PDE1C: variants seen among roughly 807,000 people sequenced by gnomAD.
The protein encoded by PDE1C is phosphodiesterase 1C.
PDE1C carries 62 observed loss-of-function variants against 93.1 expected under a neutral mutation model. That is an observed-to-expected ratio of 0.67 (90% CI 0.54 to 0.82). PDE1C has a LOEUF of 0.82. Ranked by LOEUF, PDE1C falls within the 40% of genes least tolerant of loss-of-function variation. The pLI, the probability that PDE1C is intolerant of heterozygous loss-of-function variation, is 0.00. For missense variants in PDE1C, 742 were observed against 884.6 expected, an observed-to-expected ratio of 0.84 and a Z score of 2.04; for synonymous variants, 325 against 310.1, an observed-to-expected ratio of 1.05 and a Z score of -0.50.
At chr7:31,948,182 A>T (rs562330758) in intron 2 of PDE1C, among the ~76,000 whole-genome samples, 77 of 152,316 alleles carry the variant, frequency 5.1e-4, no homozygotes, top group African/African-American at 1.8e-3. Context: ...AAACACTCAC[A>T]TTATAAAAAT....
intron 2 of PDE1C, among the ~76,000 whole-genome samples, chr7:31,938,160 G>A (rs1805344021): frequency 6.6e-6 from 1 of 151,400 alleles, no homozygotes; most frequent in African/African-American, 2.4e-5. Context: ...AGGGCCTACT[G>A]TAGGAATTGC....
At chr7:31,894,521 G>C (rs1402367431) in intron 2 of PDE1C, among the ~76,000 whole-genome samples, 1 of 152,230 alleles carries the variant, frequency 6.6e-6, no homozygotes, top group African/African-American at 2.4e-5. Context: ...ACCAAGCCAT[G>C]TCTGTGTGTG....
intron 3 of PDE1C, among the ~76,000 whole-genome samples, chr7:32,081,154 A>G (rs946369316): frequency 2.0e-5 from 3 of 152,234 alleles, no homozygotes; most frequent in African/African-American, 7.2e-5. Context: ...TGCCTTAGCT[A>G]AATGTAAATG....
intron 1 of PDE1C, among the ~76,000 whole-genome samples, chr7:32,264,177 G>A (rs749308325): frequency 3.3e-4 from 50 of 152,106 alleles, no homozygotes; most frequent in Non-Finnish European, 6.5e-4. Flanking sequence ...AAACAATTGA[G>A]AATCACTAGA....
At chr7:32,070,933 C>G (rs1795995662), upstream of PDE1C, 3 of 985,470 alleles carry the variant, frequency 3.0e-6, no homozygotes, top group African/African-American at 5.2e-5. Context: ...CCCGCTCACT[C>G]CCTGGCCGCG....
intron 2 of PDE1C, among the ~76,000 whole-genome samples, chr7:32,187,305 T>G (rs1803947478): frequency 6.6e-6 from 1 of 152,082 alleles, no homozygotes. Context: ...ATAGTTATCT[T>G]TAAACTTAAA....
chr7:32,171,348 G>A (rs949358988), intron 2 of PDE1C, among the ~76,000 whole-genome samples: 2 of 151,774 alleles, frequency 1.3e-5, no homozygotes, highest in Admixed American at 6.6e-5. Context: ...AAATACTGCT[G>A]AGCCTCCATA....
intron 2 of PDE1C, among the ~76,000 whole-genome samples, chr7:32,013,921 G>A (rs1347442364): frequency 6.6e-6 from 1 of 152,156 alleles, no homozygotes; most frequent in Non-Finnish European, 1.5e-5. Context: ...TGGTAAAACT[G>A]CATTTCCAGT....
chr7:31,836,803 T>C (rs1791172964), intron 11 of PDE1C, among the ~76,000 whole-genome samples: 1 of 152,074 alleles, frequency 6.6e-6, no homozygotes, highest in Non-Finnish European at 1.5e-5. Flanking sequence ...CAACCAATTA[T>C]AATAGAGACA....
At chr7:32,222,786 A>G (rs535998088) in intron 1 of PDE1C, among the ~76,000 whole-genome samples, 2 of 152,268 alleles carry the variant, frequency 1.3e-5, no homozygotes, top group South Asian at 4.2e-4. Context: ...AACATCAAAC[A>G]TATCAAAGCA....
At chr7:32,328,908 A>G (rs1244711467) in intron 1 of PDE1C, among the ~76,000 whole-genome samples, 1 of 152,220 alleles carries the variant, frequency 6.6e-6, no homozygotes, top group Non-Finnish European at 1.5e-5. Flanking sequence ...CTAGGAGATC[A>G]ATAAATTTTT....
intron 14 of PDE1C, among the ~76,000 whole-genome samples, chr7:31,819,698 C>A (rs1788719329): frequency 6.6e-6 from 1 of 152,100 alleles, no homozygotes; most frequent in Admixed American, 6.6e-5. Flanking sequence ...CCCCACAATG[C>A]ATGTCCGTAC....
At chr7:32,375,725 C>G (rs1232451556) in intron 1 of PDE1C, among the ~76,000 whole-genome samples, 1 of 152,236 alleles carries the variant, frequency 6.6e-6, no homozygotes, top group African/African-American at 2.4e-5. Flanking sequence ...CTGCCAACAG[C>G]TTGATGGCCT....
intron 3 of PDE1C, among the ~76,000 whole-genome samples, chr7:32,099,307 A>C (rs1407980200): frequency 6.6e-6 from 1 of 152,208 alleles, no homozygotes; most frequent in African/African-American, 2.4e-5. Flanking sequence ...AGTAAATGTT[A>C]TCTTTGCCAT....
chr7:32,330,836 C>T (rs1783499041), intron 1 of PDE1C, among the ~76,000 whole-genome samples: 1 of 152,194 alleles, frequency 6.6e-6, no homozygotes, highest in Non-Finnish European at 1.5e-5. Context: ...AAGTTAAGGC[C>T]AGAGAGCAGG....
chr7:31,826,771 T>C (rs138085690), intron 12 of PDE1C, among the ~76,000 whole-genome samples: 126 of 152,216 alleles, frequency 8.3e-4, no homozygotes, highest in Middle Eastern at 3.4e-3. Flanking sequence ...TTACTGAAAA[T>C]CCTCCAATTA....
intron 1 of PDE1C, among the ~76,000 whole-genome samples, chr7:32,212,071 T>C (rs1169346399): frequency 8.5e-6 from 1 of 118,182 alleles, no homozygotes. Flanking sequence ...GAAAAAGAAA[T>C]AGATCCAGGG....
chr7:32,089,798 G>C (rs1215359367), intron 3 of PDE1C, among the ~76,000 whole-genome samples: 1 of 152,180 alleles, frequency 6.6e-6, no homozygotes, highest in African/African-American at 2.4e-5. Context: ...AGCAGAGTCA[G>C]GGACCCCAGA....
intron 2 of PDE1C, among the ~76,000 whole-genome samples, chr7:31,922,017 C>G (rs555481221): frequency 6.6e-6 from 1 of 152,276 alleles, no homozygotes; most frequent in Admixed American, 6.5e-5. Flanking sequence ...CAAGGTCAAA[C>G]AGCTGATAGG....
Sources: gnomAD v4.1 joint callset for allele counts (sites outside exome capture counted in the v4.1 genomes callset) on GRCh38, gnomAD v4.1.1 for gene constraint, MANE v1.5 for transcripts, NCBI Gene and HGNC (gene_info 2026-07-23, HGNC 2026-07-21) for gene names.